HACE1: variants seen among roughly 807,000 people sequenced by gnomAD.
HACE1 encodes the protein E3 ubiquitin-protein ligase HACE1.
A neutral mutation model predicts 118.4 loss-of-function variants in HACE1; 73 were observed. That is an observed-to-expected ratio of 0.62 (90% CI 0.51 to 0.75). The LOEUF (loss-of-function observed/expected upper bound fraction) is 0.75, where lower values mean the gene tolerates loss of function less well. HACE1 is among the 30% of genes least tolerant of loss of function. The pLI is 0.00. For synonymous variants in HACE1, 368 were observed against 374.8 expected (o/e 0.98, Z 0.21); for missense variants, 749 against 1,102.2 (o/e 0.68, Z 4.54).
intron 11 of HACE1, chr6:104,786,072 C>G (rs1314108991): frequency 1.3e-5 from 2 of 151,986 alleles, no homozygotes; most frequent in Non-Finnish European, 2.9e-5. Flanking sequence ...TGGTGGCTCA[C>G]GCCTGTAATC....
intron 1 of HACE1, among the ~76,000 whole-genome samples, chr6:104,855,729 T>C (rs970884038): frequency 2.0e-5 from 3 of 152,132 alleles, no homozygotes; most frequent in African/African-American, 4.8e-5. Context: ...CATGTCCCAA[T>C]AAAAATCTGA....
At chr6:104,857,213 A>G (rs1202965843) in intron 1 of HACE1, among the ~76,000 whole-genome samples, 2 of 148,268 alleles carry the variant, frequency 1.3e-5, no homozygotes, top group Non-Finnish European at 3.0e-5. Context: ...ATATATATAT[A>G]TATATTCCTA....
intron 5 of HACE1, among the ~76,000 whole-genome samples, chr6:104,842,141 C>CA (rs1775176074): frequency 6.6e-6 from 1 of 151,980 alleles, no homozygotes; most frequent in Non-Finnish European, 1.5e-5. Flanking sequence ...CCCACCTCTA[C>CA]AAAAAAATAT....
In HACE1 at chr6:104,784,100, T is replaced by G. The variant is rs771407610; in HGVS notation, c.1552A>C (p.Ile518Leu). The G allele has an allele frequency of 6.4e-7, 1 of 1,563,618 alleles. No homozygotes were observed. Among genetic ancestry groups the G allele is most frequent in the Non-Finnish European group, 8.8e-7 (1 of 1,134,264 alleles). The change falls in exon 14 of 24, where the codon ATC (isoleucine) becomes CTC (leucine). Residue 518 changes from isoleucine to leucine, a missense_variant. Ile to Leu is a conservative substitution (Grantham distance 5, BLOSUM62 2). Around this residue, in one of 5 missense-constraint regions of HACE1, gnomAD observed 195 missense variants for 322.1 expected, o/e 0.61. Coordinates refer to ENST00000262903, the MANE Select transcript of HACE1 (RefSeq NM_020771.4). ...AAAATTTCTACCTGTGCTTTTATGA[T>G]ATGCATGAATCTTGACATCAACTCA... Reference protein sequence around the residue: ...CPELMSRFMHIIKAQPFKDRC... With the variant: ...CPELMSRFMHLIKAQPFKDRC...
chr6:104,730,423 GT>G lies in HACE1; in HGVS notation c.2514-8del. ...ACCATGTGGGACCCTGGAACTAAGA[GT>G]TTATATCTTAATACATTGTAATCAT... On this transcript the variant is annotated splice_region_variant and splice_polypyrimidine_tract_variant and intron_variant, in intron 22 of 23. Transcript: ENST00000262903. The G allele has an allele frequency of 1.7e-6, 2 of 1,208,714 alleles. No homozygotes were observed. The highest frequency in any genetic ancestry group is 2.5e-6 in the Non-Finnish European group (2 of 809,676). 74.9% of individuals were successfully genotyped at this position (1,208,714 alleles called of 1,614,324 possible).
At chr6:104,737,348 G>C (rs1211543944) in intron 22 of HACE1, among the ~76,000 whole-genome samples, 2 of 147,396 alleles carry the variant, frequency 1.4e-5, no homozygotes, top group Admixed American at 6.8e-5. Flanking sequence ...AATAGGAACA[G>C]CTCCGGTCTA....
chr6:104,771,938 G>A lies in HACE1; in HGVS notation c.2001C>T (p.Tyr667=). 1.2e-6 allele frequency: 2 copies of A among 1,602,380 alleles called. No homozygotes were observed. Residue 667 remains tyrosine (Y), a synonymous_variant, in exon 18 of 24, where the codon TAC becomes TAT. Transcript: ENST00000262903. The part of the protein sequence containing the change: ...LVNIYFTRSF[Y]KHILGIPVNY... ...ATAGAGCCATACCAAGAATGTGCTT[G>A]TAGAAGGATCGTGTGAAGTAAATAT...
intron 12 of HACE1, 75 bp downstream of exon 12, chr6:104,784,910 T>C (rs1027263469): frequency 2.1e-6 from 2 of 957,064 alleles, no homozygotes; most frequent in Non-Finnish European, 3.3e-6. Context: ...TTTGTTGTTT[T>C]TGAAATTACA....
At chr6:104,735,593 T>C (rs1187051400) in intron 22 of HACE1, among the ~76,000 whole-genome samples, 2 of 151,598 alleles carry the variant, frequency 1.3e-5, no homozygotes, top group African/African-American at 4.9e-5. Flanking sequence ...ATGGCGCCAG[T>C]GCACTCCAGC....
intron 1 of HACE1, among the ~76,000 whole-genome samples, chr6:104,853,091 G>C (rs1776401294): frequency 6.6e-6 from 1 of 152,196 alleles, no homozygotes; most frequent in Admixed American, 6.5e-5. Flanking sequence ...ATTGAGCCAT[G>C]AGGGCTCCTC....
intron 7 of HACE1, 64 bp downstream of exon 7, chr6:104,811,247 C>CATATATATAT (rs3995559): frequency 0.027 from 5,559 of 207,496 alleles, 94 homozygotes; most frequent in Non-Finnish European, 0.036. Flanking sequence ...TTTATTTATA[C>CATATATATAT]ATATATATAT....
chr6:104,738,475 G>A (rs2114448021), intron 22 of HACE1, among the ~76,000 whole-genome samples: 1 of 149,560 alleles, frequency 6.7e-6, no homozygotes, highest in Non-Finnish European at 1.5e-5. Flanking sequence ...GTGCTTAAAG[G>A]AGCTGATGGA....
At chr6:104,753,407 G>A (rs1778277799) in intron 19 of HACE1, among the ~76,000 whole-genome samples, 1 of 152,184 alleles carries the variant, frequency 6.6e-6, no homozygotes, top group South Asian at 2.1e-4. Context: ...TGCTTCTTTA[G>A]GCAAGTCCCT....
intron 6 of HACE1, among the ~76,000 whole-genome samples, chr6:104,830,260 C>A (rs1442489542): frequency 6.6e-6 from 1 of 152,140 alleles, no homozygotes; most frequent in Non-Finnish European, 1.5e-5. Flanking sequence ...CTGGGTCACT[C>A]AAGATTAGGA....
chr6:104,817,833 C>T (rs1772281175), intron 6 of HACE1, among the ~76,000 whole-genome samples: 1 of 152,128 alleles, frequency 6.6e-6, no homozygotes, highest in Non-Finnish European at 1.5e-5. Context: ...ATAACCAATA[C>T]TGTCTAATCA....
chr6:104,858,098 CTATTTTTCTT>C (rs1776923208), intron 1 of HACE1, among the ~76,000 whole-genome samples: 1 of 151,562 alleles, frequency 6.6e-6, no homozygotes, highest in African/African-American at 2.4e-5. Context: ...ATATTTTTTT[CTATTTTTCTT>C]TATTTTCCAA....
chr6:104,824,324 A>T (rs1310957751), intron 6 of HACE1, among the ~76,000 whole-genome samples: 1 of 152,246 alleles, frequency 6.6e-6, no homozygotes, highest in African/African-American at 2.4e-5. Flanking sequence ...TGAATGATAA[A>T]TAGCTATGTA....
intron 19 of HACE1, among the ~76,000 whole-genome samples, chr6:104,762,076 G>C (rs1220234426): frequency 9.9e-5 from 15 of 152,252 alleles, no homozygotes; most frequent in Non-Finnish European, 1.5e-5. Context: ...TGTGGAGAAA[G>C]AGGAACACTT....
intron 7 of HACE1, among the ~76,000 whole-genome samples, chr6:104,804,694 T>C (rs1582561177): frequency 6.6e-6 from 1 of 152,128 alleles, no homozygotes; most frequent in South Asian, 2.1e-4. Context: ...TTACACCTTA[T>C]ACAAAAATTA....
Sources: allele counts gnomAD v4.1 joint callset (sites outside exome capture counted in the v4.1 genomes callset), GRCh38; gene constraint gnomAD v4.1.1; regional missense constraint gnomAD v4.1.1; transcripts MANE v1.5; gene names NCBI Gene and HGNC (gene_info 2026-07-23, HGNC 2026-07-21).